MINDY2: variants seen among roughly 807,000 people sequenced by gnomAD.
MINDY2 encodes ubiquitin carboxyl-terminal hydrolase MINDY-2.
Under a neutral mutation model 68.2 loss-of-function variants are expected in MINDY2, and 52 were observed. That is an observed-to-expected ratio of 0.76 (90% CI 0.61 to 0.96). The LOEUF is 0.96. Among genes scored for constraint, MINDY2 ranks in the 40% least tolerant of loss-of-function variants. The pLI is 0.00. For missense variants in MINDY2, 881 were observed against 773.4 expected (o/e 1.14, Z -1.65); for synonymous variants, 372 against 303.0 (o/e 1.23, Z -2.36).
intron 5 of MINDY2, among the ~76,000 whole-genome samples, chr15:58,828,662 G>A (rs1327437008): frequency 2.2e-5 from 3 of 136,714 alleles, no homozygotes; most frequent in South Asian, 2.3e-4. Flanking sequence ...CCCAGTTCAC[G>A]CCATTCTCCT....
intron 6 of MINDY2, among the ~76,000 whole-genome samples, chr15:58,839,072 C>T (rs2032146338): frequency 6.6e-6 from 1 of 151,804 alleles, no homozygotes; most frequent in Admixed American, 6.6e-5. Flanking sequence ...TTACTAAACC[C>T]TATATATGAA....
intron 2 of MINDY2, among the ~76,000 whole-genome samples, chr15:58,800,346 C>T (rs1236064198): frequency 2.0e-5 from 3 of 152,166 alleles, no homozygotes; most frequent in African/African-American, 4.8e-5. Context: ...GCCTACATAT[C>T]AGTGTACTTT....
intron 4 of MINDY2, among the ~76,000 whole-genome samples, chr15:58,814,365 C>G (rs1487855852): frequency 6.6e-6 from 1 of 151,310 alleles, no homozygotes; most frequent in African/African-American, 2.4e-5. Context: ...TAGATTGGTT[C>G]TTTACAGTTG....
At chr15:58,844,714 C>T (rs1431775668) in intron 6 of MINDY2, among the ~76,000 whole-genome samples, 4 of 151,208 alleles carry the variant, frequency 2.6e-5, no homozygotes, top group African/African-American at 4.9e-5. Flanking sequence ...GTCAGGAGTT[C>T]GAGACCAGCC....
rs34747262 is a variant in MINDY2, at chr15:58,814,794, CT to C, written c.1122+4425del. On this transcript the variant is annotated intron_variant, in intron 4 of 8. Coordinates refer to ENST00000559228, the MANE Select transcript of MINDY2 (RefSeq NM_001040450.3). ...ACTTGGAAATATTCTTTAATTTTAA[CT>C]TTTTTTTTTTTTTTTTTTAGAAACG... is the stretch of plus-strand genomic sequence containing the variant. Among the ~76,000 whole-genome samples the C allele has an allele frequency of 4.9e-3, 640 of 129,864 alleles. 2 individuals are homozygous for C. Among genetic ancestry groups the C allele is most frequent in the African/African-American group, 0.013 (453 of 35,068 alleles). The allele number at this position is 129,864 out of a possible 152,430, so 85.2% of individuals were successfully genotyped here. A position where few individuals can be genotyped will look rare whatever the true frequency, so the allele number is the denominator to read the frequency against.
intron 5 of MINDY2, among the ~76,000 whole-genome samples, chr15:58,831,041 G>GTATATATATATATATATA (rs61211927): frequency 1.4e-4 from 18 of 124,918 alleles, no homozygotes; most frequent in South Asian, 2.5e-4. Flanking sequence ...GTGTGTGTGT[G>GTATATATATATATATATA]TATATATATA....
intron 4 of MINDY2, chr15:58,815,792 G>C (rs2030645672): frequency 6.6e-6 from 1 of 151,776 alleles, no homozygotes; most frequent in South Asian, 2.1e-4. Flanking sequence ...TGATTTTCCT[G>C]CCTCAGTCTC....
chr15:58,794,855 A>G (rs1902175508), intron 2 of MINDY2, among the ~76,000 whole-genome samples: 1 of 152,158 alleles, frequency 6.6e-6, no homozygotes, highest in Admixed American at 6.6e-5. Flanking sequence ...ATTCAAGATA[A>G]GAATTTAGAA....
chr15:58,847,109 A>G (rs913715586), intron 6 of MINDY2, among the ~76,000 whole-genome samples, 188 bp from the exon 7 acceptor site: 1 of 152,206 alleles, frequency 6.6e-6, no homozygotes, highest in African/African-American at 2.4e-5. Flanking sequence ...ATTATAAACT[A>G]TATTCAAAGC....
chr15:58,805,990 C>G (rs1306386748), intron 3 of MINDY2, among the ~76,000 whole-genome samples: 1 of 152,196 alleles, frequency 6.6e-6, no homozygotes, highest in Non-Finnish European at 1.5e-5. Context: ...AGATGGAACC[C>G]TTGAACCCAG....
chr15:58,854,749 A>G lies in MINDY2; in HGVS notation c.*139A>G, dbSNP rs1310417015. 1 of 939,302 alleles carries G rather than the reference A, an allele frequency of 1.1e-6. No individual in the cohort carries two copies. Among genetic ancestry groups the G allele is most frequent in the African/African-American group, 1.7e-5 (1 of 60,516 alleles). The allele number at this position is 939,302 out of a possible 1,614,324, so 58.2% of individuals were successfully genotyped here. On this transcript the variant is annotated 3_prime_UTR_variant, in exon 9 of 9. Transcript: ENST00000559228. The stretch of plus-strand genomic sequence containing the variant: ...TCGTTTTTTCAGGGGAACGGTTGTT[A>G]CTTAGTTACAATCAGACTTTTTCAA...
At chr15:58,851,230 T>G (rs1226756382) in intron 7 of MINDY2, among the ~76,000 whole-genome samples, 1 of 152,140 alleles carries the variant, frequency 6.6e-6, no homozygotes, top group African/African-American at 2.4e-5. Flanking sequence ...TGCCTTGGCC[T>G]CCCAAAGTGC....
chr15:58,853,535 A>T (rs1178990376), intron 8 of MINDY2, among the ~76,000 whole-genome samples: 1 of 151,636 alleles, frequency 6.6e-6, no homozygotes, highest in Non-Finnish European at 1.5e-5. Flanking sequence ...AAATCTGTTT[A>T]TTATGGCTGG....
At chr15:58,797,628 G>A (rs1250909788) in intron 2 of MINDY2, among the ~76,000 whole-genome samples, 1 of 152,136 alleles carries the variant, frequency 6.6e-6, no homozygotes, top group Non-Finnish European at 1.5e-5. Context: ...ATTTCAACTG[G>A]ACAGTGTTAA....
At chr15:58,796,224 A>G in intron 2 of MINDY2, 1 of 445,228 alleles carries the variant, frequency 2.2e-6, no homozygotes, top group Non-Finnish European at 4.5e-6. Context: ...GCTTTGAAGC[A>G]TAGTTAGAAT....
At chr15:58,801,759 C>T (rs1362741978) in intron 2 of MINDY2, among the ~76,000 whole-genome samples, 4 of 152,180 alleles carry the variant, frequency 2.6e-5, no homozygotes, top group Non-Finnish European at 5.9e-5. Flanking sequence ...TCTGCCTCAG[C>T]CTCCCAAGTA....
At chr15:58,851,615 T>C (rs1347413080) in intron 7 of MINDY2, among the ~76,000 whole-genome samples, 156 bp from the exon 8 acceptor site, 4 of 152,054 alleles carry the variant, frequency 2.6e-5, no homozygotes, top group African/African-American at 7.2e-5. Flanking sequence ...GTTTTTAAAC[T>C]TTTTTTGTAG....
chr15:58,818,486 A>T (rs597112), intron 4 of MINDY2, among the ~76,000 whole-genome samples: 1 of 151,658 alleles, frequency 6.6e-6, no homozygotes, highest in African/African-American at 2.4e-5. Context: ...AAATTCCTGG[A>T]CTGAAGCCGT....
chr15:58,807,980 T>C (rs2029929047), intron 3 of MINDY2, among the ~76,000 whole-genome samples: 1 of 151,720 alleles, frequency 6.6e-6, no homozygotes, highest in Admixed American at 6.6e-5. Context: ...CTCCCTCACC[T>C]CCCTCTCCTT....
Sources: allele counts gnomAD v4.1 joint callset (sites outside exome capture counted in the v4.1 genomes callset), GRCh38; gene constraint gnomAD v4.1.1; transcripts MANE v1.5; gene names NCBI Gene and HGNC (gene_info 2026-07-23, HGNC 2026-07-21).